Variants in SHANK2 observed in about 807,000 individuals in gnomAD.
SHANK2 encodes SH3 and multiple ankyrin repeat domains protein 2.
In SHANK2, 43 loss-of-function variants were observed where a neutral mutation model predicts 133.7. That is an observed-to-expected ratio of 0.32 (90% confidence interval 0.25 to 0.41). The LOEUF (loss-of-function observed/expected upper bound fraction) is 0.41, where lower values mean the gene tolerates loss of function less well. Among genes scored for constraint, SHANK2 ranks in the 10% least tolerant of loss-of-function variants. The pLI is 1.00. For missense variants in SHANK2, 1,994 were observed against 2,235.8 expected (o/e 0.89, Z 2.18); for synonymous variants, 1,017 against 952.8 (o/e 1.07, Z -1.24).
chr11:70,556,392 TTTCTCTCTC>T, intron 17 of SHANK2, among the ~76,000 whole-genome samples: 1 of 14,530 alleles, frequency 6.9e-5, no homozygotes, highest in African/African-American at 9.6e-5. Flanking sequence ...TCTTTCTTTC[TTTCTCTCTC>T]TCTCTCTCTC....
chr11:71,240,050 A>G (rs1380182803), intron 1 of SHANK2, among the ~76,000 whole-genome samples: 1 of 152,190 alleles, frequency 6.6e-6, no homozygotes, highest in Non-Finnish European at 1.5e-5. Context: ...CTAATTCTAG[A>G]CTGCTTCTGG....
At chr11:70,898,200 G>C (rs1429499268) in intron 10 of SHANK2, among the ~76,000 whole-genome samples, 1 of 148,364 alleles carries the variant, frequency 6.7e-6, no homozygotes, top group Non-Finnish European at 1.5e-5. Context: ...TCAAACTCTT[G>C]GCCTCAAGTG....
intron 15 of SHANK2, among the ~76,000 whole-genome samples, chr11:70,673,215 C>T (rs1944847840): frequency 6.6e-6 from 1 of 152,066 alleles, no homozygotes; most frequent in African/African-American, 2.4e-5. Context: ...CAGGTTTGCC[C>T]AGGGCACATG....
intron 17 of SHANK2, among the ~76,000 whole-genome samples, chr11:70,599,937 A>AAGAAAG: frequency 9.8e-6 from 1 of 101,906 alleles, no homozygotes; most frequent in Non-Finnish European, 2.1e-5. Flanking sequence ...GAAAGAAAGA[A>AAGAAAG]AGAAAGAAAG....
intron 17 of SHANK2, among the ~76,000 whole-genome samples, chr11:70,549,972 G>A (rs2059744400): frequency 6.6e-6 from 1 of 152,156 alleles, no homozygotes; most frequent in Non-Finnish European, 1.5e-5. Flanking sequence ...TCCAGTGCTG[G>A]CCGAGGCCTC....
intron 17 of SHANK2, among the ~76,000 whole-genome samples, chr11:70,557,605 G>A (rs1028741842): frequency 1.3e-5 from 2 of 152,186 alleles, no homozygotes; most frequent in Non-Finnish European, 2.9e-5. Flanking sequence ...GCGGGGCCAG[G>A]GCAAGAGCTG....
At chr11:70,785,523 G>C (rs532527843) in intron 14 of SHANK2, among the ~76,000 whole-genome samples, 1 of 152,338 alleles carries the variant, frequency 6.6e-6, no homozygotes, top group Non-Finnish European at 1.5e-5. Context: ...CCGCTCAGTG[G>C]AGCAGAGGCA....
chr11:70,685,267 C>G (rs12292445), intron 15 of SHANK2, among the ~76,000 whole-genome samples: 8,861 of 152,224 alleles, frequency 0.058, 874 homozygotes, highest in African/African-American at 0.2. Context: ...CTTTTTCCAC[C>G]CTCCTCCTGC....
At chr11:70,556,590 C>CT (rs56161301) in intron 17 of SHANK2, among the ~76,000 whole-genome samples, 32,163 of 139,740 alleles carry the variant, frequency 0.23, 4,049 homozygotes, top group Middle Eastern at 0.3. Context: ...TAATTTTTTT[C>CT]TTTTTTTTTT....
intron 11 of SHANK2, among the ~76,000 whole-genome samples, chr11:70,890,295 G>A (rs1949818943): frequency 6.6e-6 from 1 of 151,988 alleles, no homozygotes; most frequent in Non-Finnish European, 1.5e-5. Context: ...CCTGAGGTCA[G>A]GAGTTCAAGA....
chr11:70,690,854 G>A lies in SHANK2; in HGVS notation c.1853+7834C>T, dbSNP rs574383586. On this transcript the variant is annotated intron_variant, in intron 15 of 25. Coordinates refer to ENST00000601538, the MANE Select transcript of SHANK2 (RefSeq NM_012309.5). ...TGGAGGTGAGGGTCAAACTATGAAA[G>A]CCTCATTTTTTCCAGCAATGTGTCA... Among the ~76,000 whole-genome samples, 15 of 152,014 alleles carry A rather than the reference G, an allele frequency of 9.9e-5. No homozygotes were observed. The South Asian group carries it at 3.1e-3, about 32-fold the overall frequency.
intron 11 of SHANK2, among the ~76,000 whole-genome samples, chr11:70,886,363 G>T (rs111297879): frequency 0.015 from 2,271 of 152,332 alleles, 33 homozygotes; most frequent in Middle Eastern, 0.027. Context: ...CTTTCCTTGG[G>T]AGGGTTTATT....
At chr11:71,119,488 G>T (rs2135269870) in intron 3 of SHANK2, among the ~76,000 whole-genome samples, 1 of 151,044 alleles carries the variant, frequency 6.6e-6, no homozygotes, top group African/African-American at 2.4e-5. Context: ...GCTGAGGCAG[G>T]AGAATCGCTT....
intron 6 of SHANK2, among the ~76,000 whole-genome samples, chr11:71,105,591 A>G (rs868994887): frequency 3.5e-5 from 1 of 28,792 alleles, no homozygotes; most frequent in East Asian, 1.3e-3. Flanking sequence ...GACTCAGTCT[A>G]AAAAAAAAAA....
chr11:70,572,949 T>C (rs953996546), intron 17 of SHANK2, among the ~76,000 whole-genome samples: 9 of 152,128 alleles, frequency 5.9e-5, no homozygotes, highest in African/African-American at 1.9e-4. Context: ...TGCATGGACA[T>C]TCACAGCAAC....
Position 71,124,111 on chromosome 11 carries a change from T to C in SHANK2, c.208-5079A>G, listed in dbSNP as rs1196708641. 2.4e-3 allele frequency among the ~76,000 whole-genome samples: 340 copies of C among 143,796 alleles called. 12 individuals are homozygous for C. Among genetic ancestry groups the C allele is most frequent in the Admixed American group, 0.021 (303 of 14,246 alleles). 94.3% of individuals were successfully genotyped at this position (143,796 alleles called of 152,430 possible). On this transcript the variant is annotated intron_variant, in intron 3 of 25. Transcript: ENST00000601538. Reference sequence around the variant, plus strand: ...ATGGCGATGATAGTGATCATGATGGTGATGATGGTGATGGTGATTGATGGT... The same window carrying C: ...ATGGCGATGATAGTGATCATGATGGCGATGATGGTGATGGTGATTGATGGT...
chr11:71,167,478 A>G (rs1180779531), intron 2 of SHANK2, among the ~76,000 whole-genome samples: 6 of 132,626 alleles, frequency 4.5e-5, no homozygotes, highest in South Asian at 5.2e-4. Context: ...CTCACTTCCC[A>G]GTAGGGGCGG....
At chr11:70,518,412 A>G (rs566925705) in intron 17 of SHANK2, among the ~76,000 whole-genome samples, 2 of 152,298 alleles carry the variant, frequency 1.3e-5, no homozygotes, top group East Asian at 3.9e-4. Flanking sequence ...CTAAAAAGCG[A>G]CTGCATTCCT....
chr11:70,562,822 G>T (rs2059922415), intron 17 of SHANK2, among the ~76,000 whole-genome samples: 3 of 151,886 alleles, frequency 2.0e-5, no homozygotes, highest in Non-Finnish European at 4.4e-5. Flanking sequence ...TGTATATTTT[G>T]CCCACCCCCG....
Sources: gnomAD v4.1 joint callset for allele counts (sites outside exome capture counted in the v4.1 genomes callset) on GRCh38, gnomAD v4.1.1 for gene constraint, MANE v1.5 for transcripts, NCBI Gene and HGNC (gene_info 2026-07-23, HGNC 2026-07-21) for gene names.